The following CDH2 variants were observed in gnomAD, a reference collection of about 807,000 sequenced individuals.
The protein encoded by CDH2 is cadherin-2.
In CDH2, 17 loss-of-function variants were observed where a neutral mutation model predicts 92.0. That is an observed-to-expected ratio of 0.18 (90% CI 0.13 to 0.28). CDH2 has a LOEUF of 0.28. Ranked by LOEUF, CDH2 falls within the 10% of genes least tolerant of loss-of-function variation. The pLI, the probability that CDH2 is intolerant of heterozygous loss-of-function variation, is 1.00. For missense variants in CDH2, 862 were observed against 1,133.1 expected, an observed-to-expected ratio of 0.76 and a Z score of 3.44; for synonymous variants, 419 against 415.9, an observed-to-expected ratio of 1.01 and a Z score of -0.09.
chr18:27,961,261 A>G (rs1162462611), intron 15 of CDH2, among the ~76,000 whole-genome samples: 1 of 151,366 alleles, frequency 6.6e-6, no homozygotes, highest in African/African-American at 2.4e-5. Context: ...TCTAAGAGCT[A>G]GGTAACATAC....
At chr18:28,124,123 T>C (rs76800648) in intron 2 of CDH2, among the ~76,000 whole-genome samples, 57 of 149,288 alleles carry the variant, frequency 3.8e-4, no homozygotes, top group Non-Finnish European at 6.9e-4. Flanking sequence ...CCTGTAGTGA[T>C]TTTTTTTTTA....
At chr18:28,114,954 C>T (rs2015472218) in intron 2 of CDH2, among the ~76,000 whole-genome samples, 1 of 152,006 alleles carries the variant, frequency 6.6e-6, no homozygotes, top group South Asian at 2.1e-4. Context: ...TTCAGTTTGT[C>T]AAAAATTGTT....
intron 2 of CDH2, among the ~76,000 whole-genome samples, chr18:28,132,855 G>A (rs1480186997): frequency 1.3e-5 from 2 of 152,120 alleles, no homozygotes; most frequent in African/African-American, 2.4e-5. Flanking sequence ...CTCCTGCATA[G>A]GTCTAGATGA....
intron 13 of CDH2, among the ~76,000 whole-genome samples, chr18:27,983,623 C>T (rs571991833): frequency 3.9e-5 from 6 of 152,100 alleles, no homozygotes; most frequent in African/African-American, 1.2e-4. Flanking sequence ...TCCCAGAGGC[C>T]GGTGCATGTT....
intron 6 of CDH2, among the ~76,000 whole-genome samples, chr18:27,942,803 G>C (rs1909174792): frequency 6.6e-6 from 1 of 152,132 alleles, no homozygotes; most frequent in Non-Finnish European, 1.5e-5. Context: ...GGTAGGTCTT[G>C]TTTTGTGTAT....
At chr18:28,067,016 A>G (rs2014521972) in intron 2 of CDH2, among the ~76,000 whole-genome samples, 1 of 152,218 alleles carries the variant, frequency 6.6e-6, no homozygotes, top group South Asian at 2.1e-4. Flanking sequence ...AGGGGAAAAC[A>G]AACTCTATAA....
chr18:28,035,078 G>C (rs886097766), intron 2 of CDH2, among the ~76,000 whole-genome samples: 4 of 152,032 alleles, frequency 2.6e-5, no homozygotes, highest in African/African-American at 9.7e-5. Context: ...ATGCTCCTCA[G>C]GAAAGATTAA....
chr18:28,020,084 T>C (rs2013367165), intron 2 of CDH2, among the ~76,000 whole-genome samples: 1 of 152,132 alleles, frequency 6.6e-6, no homozygotes, highest in South Asian at 2.1e-4. Context: ...ATTCCATTTA[T>C]CATCCACTGG....
chr18:27,976,142 T>G (rs1175701929), intron 14 of CDH2, among the ~76,000 whole-genome samples: 2 of 152,134 alleles, frequency 1.3e-5, no homozygotes, highest in African/African-American at 4.8e-5. Context: ...CTTTGGGCCA[T>G]AGGTTCCAGG....
intron 1 of CDH2, among the ~76,000 whole-genome samples, chr18:28,161,814 A>G (rs1361753767): frequency 6.6e-6 from 1 of 152,132 alleles, no homozygotes; most frequent in African/African-American, 2.4e-5. Context: ...TGCACTAGTA[A>G]TAACATTCTT....
At chr18:28,037,917 AAAGATGATG>A (rs1294767535) in intron 2 of CDH2, among the ~76,000 whole-genome samples, 1 of 152,160 alleles carries the variant, frequency 6.6e-6, no homozygotes, top group Non-Finnish European at 1.5e-5. Flanking sequence ...ACATATAAAA[AAAGATGATG>A]AAGAAAGAAT....
At chr18:28,083,965 A>G (rs1227756434) in intron 2 of CDH2, among the ~76,000 whole-genome samples, 1 of 152,150 alleles carries the variant, frequency 6.6e-6, no homozygotes, top group Non-Finnish European at 1.5e-5. Context: ...AGTGGACAGC[A>G]ATTTTGCCGC....
At chr18:28,143,426 T>C (rs1421496238) in intron 2 of CDH2, among the ~76,000 whole-genome samples, 2 of 151,988 alleles carry the variant, frequency 1.3e-5, no homozygotes, top group African/African-American at 4.8e-5. Context: ...AGTGTTAAGT[T>C]ATATTAAGGA....
At chr18:28,019,234 A>G (rs1299803650) in intron 2 of CDH2, among the ~76,000 whole-genome samples, 3 of 151,920 alleles carry the variant, frequency 2.0e-5, no homozygotes, top group Non-Finnish European at 4.4e-5. Flanking sequence ...CTCAGAAATC[A>G]CCACTAAAAA....
intron 2 of CDH2, among the ~76,000 whole-genome samples, chr18:28,121,853 G>T (rs2015593492): frequency 6.6e-6 from 1 of 152,096 alleles, no homozygotes; most frequent in Admixed American, 6.6e-5. Flanking sequence ...AAGCAGCGAA[G>T]TGAGCAGGGC....
intron 2 of CDH2, among the ~76,000 whole-genome samples, chr18:28,118,519 A>G (rs551186909): frequency 6.6e-6 from 1 of 151,922 alleles, no homozygotes; most frequent in Non-Finnish European, 1.5e-5. Flanking sequence ...GGGTGAGCCA[A>G]GTGTTCTTTG....
Position 28,009,934 on chromosome 18 carries a change from G to A in CDH2, c.547-62C>T, listed in dbSNP as rs17522534. Reference sequence around the variant, plus strand: ...CTAAATGAGCTCATTATCAGAGATGGGGCACATCACACTTCATGCCCTTTT... The same window carrying A: ...CTAAATGAGCTCATTATCAGAGATGAGGCACATCACACTTCATGCCCTTTT... On this transcript the variant is annotated intron_variant, in intron 4 of 15. Transcript: ENST00000269141. The A allele has an allele frequency of 9.4e-3, 12,774 of 1,352,078 alleles. 962 individuals carry two copies. The African/African-American group carries it at 0.16, about 17-fold the overall frequency. The allele number at this position is 1,352,078 out of a possible 1,614,324, so 83.8% of individuals were successfully genotyped here.
At chr18:27,958,903 T>C (rs2011325450) in intron 15 of CDH2, among the ~76,000 whole-genome samples, 1 of 152,188 alleles carries the variant, frequency 6.6e-6, no homozygotes, top group Admixed American at 6.5e-5. Context: ...AAGAAGAATG[T>C]GTTTGCCTTC....
At chr18:28,127,483 C>T (rs1249861621) in intron 2 of CDH2, among the ~76,000 whole-genome samples, 4 of 152,038 alleles carry the variant, frequency 2.6e-5, no homozygotes, top group Non-Finnish European at 4.4e-5. Context: ...CTTTCCTTAT[C>T]GTGGCGCAAT....
Sources: gnomAD v4.1 joint callset for allele counts (sites outside exome capture counted in the v4.1 genomes callset) on GRCh38, gnomAD v4.1.1 for gene constraint, MANE v1.5 for transcripts, NCBI Gene and HGNC (gene_info 2026-07-23, HGNC 2026-07-21) for gene names.